The following MCMDC2 variants were observed in gnomAD, a reference collection of about 807,000 sequenced individuals.
MCMDC2 encodes minichromosome maintenance domain-containing protein 2.
A neutral mutation model predicts 75.8 loss-of-function variants in MCMDC2; 54 were observed. The ratio of observed to expected loss-of-function variants is 0.71; its 90% CI spans 0.57 to 0.89. MCMDC2 has a LOEUF of 0.89. Among genes scored for constraint, MCMDC2 ranks in the 40% least tolerant of loss-of-function variants. The pLI is 0.00. For synonymous variants in MCMDC2, 249 were observed against 274.6 expected (o/e 0.91, Z 0.92); for missense variants, 656 against 780.4 (o/e 0.84, Z 1.90).
chr8:66,910,709 T>C (rs1585908990), intron 14 of MCMDC2, among the ~76,000 whole-genome samples: 1 of 151,976 alleles, frequency 6.6e-6, no homozygotes, highest in East Asian at 1.9e-4. Flanking sequence ...CTTGGTAGGC[T>C]GAGGCTGGAG....
downstream of MCMDC2, among the ~76,000 whole-genome samples, chr8:66,923,834 G>T (rs1813637010): frequency 6.6e-6 from 1 of 152,024 alleles, no homozygotes. Flanking sequence ...GTTGCAGTGT[G>T]CTGACATCGC....
intron 12 of MCMDC2, among the ~76,000 whole-genome samples, chr8:66,900,615 GAGA>G (rs1351505600): frequency 1.3e-5 from 2 of 152,020 alleles, no homozygotes; most frequent in Non-Finnish European, 2.9e-5. Flanking sequence ...TTACGTCACA[GAGA>G]AGAACTTTGG....
At position 66,886,145 on chromosome 8, in the gene MCMDC2, G is replaced by A. The variant is rs374398188; in HGVS notation, c.1073+2151G>A. ...TAGGAGAAGAATTGCTGGGTCATAA[G>A]GTATATGTATAACTTTTTTTTTTTT... is the stretch of plus-strand genomic sequence containing the variant. On this transcript the variant is annotated intron_variant, in intron 9 of 14. Coordinates refer to ENST00000422365, the MANE Select transcript of MCMDC2 (RefSeq NM_173518.5). Among the ~76,000 whole-genome samples, 271 of 149,914 alleles carry A rather than the reference G, an allele frequency of 1.8e-3. 2 individuals are homozygous for A. Among genetic ancestry groups the A allele is most frequent in the African/African-American group, 6.3e-3 (260 of 41,026 alleles).
chr8:66,915,219 C>G (rs1462525298), intron 14 of MCMDC2, among the ~76,000 whole-genome samples: 1 of 151,884 alleles, frequency 6.6e-6, no homozygotes, highest in African/African-American at 2.4e-5. Context: ...TTTGGGAGGC[C>G]AAGGTGGGCA....
rs1169514957 is a variant in MCMDC2 at position 66,907,317 on chromosome 8, A to T, written c.1879+1982A>T. Among the ~76,000 whole-genome samples the T allele has an allele frequency of 2.0e-5, 3 of 152,126 alleles. No homozygotes were observed. In the East Asian group the frequency reaches 5.8e-4, roughly 29 times the overall value. ...GTTCAGCTCCCACTTATGAATGAGA[A>T]TATGTGGTGTTTGGTTTTATGTTCC... On this transcript the variant is annotated intron_variant, in intron 14 of 14. Transcript: ENST00000422365.
chr8:66,913,940 G>C (rs1293703349), intron 14 of MCMDC2, among the ~76,000 whole-genome samples: 1 of 148,458 alleles, frequency 6.7e-6, no homozygotes, highest in Non-Finnish European at 1.5e-5. Flanking sequence ...CTCCAGCCTG[G>C]GTGACAGAGC....
chr8:66,913,732 G>T (rs62513066), intron 14 of MCMDC2, among the ~76,000 whole-genome samples: 1 of 151,256 alleles, frequency 6.6e-6, no homozygotes, highest in African/African-American at 2.4e-5. Context: ...TTGGGAGGCC[G>T]GGGCAGCGGA....
intron 14 of MCMDC2, among the ~76,000 whole-genome samples, chr8:66,909,313 T>C (rs1233274299): frequency 1.3e-5 from 2 of 152,214 alleles, no homozygotes. Context: ...AATAGATTAA[T>C]ACAGTAAATT....
At position 66,901,323 on chromosome 8, in the gene MCMDC2, C is replaced by T; in HGVS notation, c.1744C>T (p.Leu582=). 1.2e-6 allele frequency: 2 copies of T among 1,611,748 alleles called. No individual in the cohort carries two copies. The highest frequency in any genetic ancestry group is 1.7e-6 in the Non-Finnish European group (2 of 1,179,118). The change falls in exon 13 of 15, where the codon CTG becomes TTG. Residue 582 remains leucine, a synonymous_variant. Transcript: ENST00000422365. ...AACAGGCTCTGTATGTGGATCAAAG[C>T]TGTCAGCATCTGCATTAAAATATCT... is the stretch of plus-strand genomic sequence containing the variant. ...IRTGSVCGSK[L]SASALKYLVF...
At chr8:66,874,674 T>C in intron 4 of MCMDC2, 88 bp downstream of exon 4, 1 of 1,147,300 alleles carries the variant, frequency 8.7e-7, no homozygotes, top group East Asian at 2.6e-5. Flanking sequence ...AGACTTTTTA[T>C]TTAAAAGGAT....
intron 14 of MCMDC2, among the ~76,000 whole-genome samples, chr8:66,906,802 G>T (rs903957418): frequency 6.6e-6 from 1 of 151,014 alleles, no homozygotes; most frequent in African/African-American, 2.4e-5. Flanking sequence ...TTGAGATGGA[G>T]TTTCACTCTT....
At chr8:66,892,292 T>C (rs1466446359) in intron 10 of MCMDC2, among the ~76,000 whole-genome samples, 1 of 152,180 alleles carries the variant, frequency 6.6e-6, no homozygotes, top group South Asian at 2.1e-4. Context: ...CACTCACAGC[T>C]CAGTGAGCTG....
chr8:66,877,907 C>T lies in MCMDC2; in HGVS notation c.481+363C>T, dbSNP rs12675628. On this transcript the variant is annotated intron_variant, in intron 5 of 14. Transcript: ENST00000422365. ...AAATTGAACAATTTATTGTTTAATC[C>T]TAAATCATATTTACAATTAGTTATA... 1.9e-4 allele frequency among the ~76,000 whole-genome samples: 28 copies of T among 149,924 alleles called. 1 individual carries two copies. The South Asian group carries it at 5.8e-3, about 31-fold the overall frequency.
chr8:66,880,999 A>G (rs1302348931), intron 8 of MCMDC2, 25 bp downstream of exon 8: 31 of 1,401,200 alleles, frequency 2.2e-5, no homozygotes, highest in African/African-American at 3.0e-5. Context: ...AGTATTATAT[A>G]TTAACAAATA....
intron 14 of MCMDC2, among the ~76,000 whole-genome samples, chr8:66,910,532 A>G (rs1813066058): frequency 6.6e-6 from 1 of 152,192 alleles, no homozygotes; most frequent in Admixed American, 6.5e-5. Context: ...TTGACTGGCC[A>G]GCCACAGTGG....
At chr8:66,894,554 A>G (rs924026984) in intron 10 of MCMDC2, among the ~76,000 whole-genome samples, 1 of 152,274 alleles carries the variant, frequency 6.6e-6, no homozygotes, top group African/African-American at 2.4e-5. Context: ...GGTAAAAACA[A>G]AATACATATG....
intron 12 of MCMDC2, among the ~76,000 whole-genome samples, chr8:66,897,860 A>G (rs1169907197): frequency 2.6e-5 from 4 of 152,206 alleles, no homozygotes; most frequent in Non-Finnish European, 4.4e-5. Context: ...CTACTCAAAA[A>G]TCTGTCCAAG....
In MCMDC2 at chr8:66,874,150, C is replaced by G. The variant is rs901449923; in HGVS notation, c.10C>G (p.Leu4Val). The change falls in exon 2 of 15, where the codon CTA (leucine) becomes GTA (valine). Residue 4 changes from leucine (L) to valine (V), a missense_variant. Physicochemically the swap from Leu to Val is conservative, Grantham distance 32. Transcript: ENST00000422365. ...TATTAACCAGGAGAAAATGTCAAAT[C>G]TAAAAATGAAAGAGGCGGCCCTCAT... MSN[L>V]KMKEAALIYL... is the part of the protein sequence containing the mutation. 1 of 1,588,392 alleles carries G rather than the reference C, an allele frequency of 6.3e-7. No homozygotes were observed. The highest frequency in any genetic ancestry group is 8.5e-7 in the Non-Finnish European group (1 of 1,172,196).
intron 14 of MCMDC2, among the ~76,000 whole-genome samples, chr8:66,910,039 G>A (rs1460260289): frequency 1.3e-5 from 2 of 152,240 alleles, no homozygotes; most frequent in South Asian, 2.1e-4. Flanking sequence ...GAGGGTACAA[G>A]CCCCAAACCT....
Sources: allele counts gnomAD v4.1 joint callset (sites outside exome capture counted in the v4.1 genomes callset), GRCh38; gene constraint gnomAD v4.1.1; transcripts MANE v1.5; gene names NCBI Gene and HGNC (gene_info 2026-07-23, HGNC 2026-07-21).